UBE2O: variants seen among roughly 807,000 people sequenced by gnomAD.
UBE2O encodes (E3-independent) E2 ubiquitin-conjugating enzyme.
UBE2O carries 15 observed loss-of-function variants against 125.8 expected under a neutral mutation model. The ratio of observed to expected loss-of-function variants is 0.12; its 90% CI spans 0.08 to 0.18. The LOEUF is 0.18. UBE2O is among the 10% of genes least tolerant of loss of function. The probability of loss-of-function intolerance (pLI) is 1.00; values close to 1 mark genes in which losing one functional copy is unlikely to be tolerated. For missense variants in UBE2O, 1,280 were observed against 1,723.6 expected, an observed-to-expected ratio of 0.74 and a Z score of 4.56; for synonymous variants, 708 against 703.2, an observed-to-expected ratio of 1.01 and a Z score of -0.11.
At position 76,452,931 on chromosome 17, in the gene UBE2O, G is replaced by C. The variant is rs1456995191; in HGVS notation, c.211C>G (p.Arg71Gly). The C allele has an allele frequency of 6.7e-7, 1 of 1,499,440 alleles. No homozygotes were observed. Among genetic ancestry groups the C allele is most frequent in the African/African-American group, 1.5e-5 (1 of 68,538 alleles). 92.9% of individuals were successfully genotyped at this position (1,499,440 alleles called of 1,614,324 possible). The change falls in exon 1 of 18, where the codon CGT becomes GGT. Residue 71 changes from arginine (R) to glycine (G), a missense_variant. Coordinates refer to ENST00000319380, the MANE Select transcript of UBE2O (RefSeq NM_022066.4). The surrounding 1 kb of genome is among the most constrained non-coding windows in gnomAD (Gnocchi z 4.4). ...ACCAGCCCGAAGTGCACGGAGCCAC[G>C]GTAACGGCCCGACACCAGGTCGTGA... Reference protein sequence around the residue: ...FSHDLVSGRYRGSVHFGLVRL... With the variant: ...FSHDLVSGRYGGSVHFGLVRL...
chr17:76,420,140 T>C (rs2072685526), intron 1 of UBE2O, among the ~76,000 whole-genome samples: 1 of 152,170 alleles, frequency 6.6e-6, no homozygotes, highest in South Asian at 2.1e-4. Context: ...CCTTGGCTGC[T>C]AATCAACAGC....
In UBE2O at chr17:76,452,851, C is replaced by G. The variant is rs1364972620; in HGVS notation, c.291G>C (p.Gly97=). 6.6e-7 allele frequency: 1 copy of G among 1,504,160 alleles called. No individual in the cohort carries two copies. Among genetic ancestry groups the G allele is most frequent in the Non-Finnish European group, 8.9e-7 (1 of 1,126,608 alleles). 93.2% of individuals were successfully genotyped at this position (1,504,160 alleles called of 1,614,324 possible). A position where few individuals can be genotyped will look rare whatever the true frequency, so the allele number is the denominator to read the frequency against. The part of the protein sequence containing the change: ...SDSEGEEEGR[G]SSGCSEAGGA... ...CCCCGGCCTCGGAGCACCCCGAGCT[C>G]CCGCGGCCCTCCTCCTCGCCCTCCG... Residue 97 remains glycine (G), a synonymous_variant, in exon 1 of 18, where the codon GGG becomes GGC. Coordinates refer to ENST00000319380, the MANE Select transcript of UBE2O (RefSeq NM_022066.4). This position sits in a 1 kb window ranked among gnomAD's most constrained non-coding sequence, Gnocchi z 4.4.
rs955819453 is a variant in UBE2O, at chr17:76,410,043, G to C, written c.418-4471C>G. On this transcript the variant is annotated intron_variant, in intron 1 of 17. Coordinates refer to ENST00000319380, the MANE Select transcript of UBE2O (RefSeq NM_022066.4). The surrounding 1 kb of genome is among the most constrained non-coding windows in gnomAD (Gnocchi z 4.0). ...ATGGGGAATGAGCTTACCAAGCAGG[G>C]AGGAGTAGCTGTCAAGGTGCTGGGT... Among the ~76,000 whole-genome samples, 4 of 152,130 alleles carry C rather than the reference G, an allele frequency of 2.6e-5. No individual in the cohort carries two copies. Among genetic ancestry groups the C allele is most frequent in the African/African-American group, 9.7e-5 (4 of 41,432 alleles).
At position 76,396,961 on chromosome 17, in the gene UBE2O, T is replaced by A. The variant is rs1364620357; in HGVS notation, c.2116-140A>T. The A allele has an allele frequency of 1.4e-6, 1 of 690,370 alleles. No homozygotes were observed. The highest frequency in any genetic ancestry group is 3.1e-5 in the Admixed American group (1 of 32,578). 42.8% of individuals were successfully genotyped at this position (690,370 alleles called of 1,614,324 possible). ...GCCTTGGCAACCTCATTCCACCCTT[T>A]CCCTGACCTCTGCTCTGGCTTTTGC... On this transcript the variant is annotated intron_variant, in intron 13 of 17. Coordinates refer to ENST00000319380, the MANE Select transcript of UBE2O (RefSeq NM_022066.4). The surrounding 1 kb of genome is among the most constrained non-coding windows in gnomAD (Gnocchi z 6.7).
chr17:76,413,545 G>C (rs902420413), intron 1 of UBE2O, among the ~76,000 whole-genome samples: 4 of 152,112 alleles, frequency 2.6e-5, no homozygotes, highest in African/African-American at 9.7e-5. Context: ...GAAAAAACCC[G>C]TTCAGTTGCA....
intron 3 of UBE2O, among the ~76,000 whole-genome samples, chr17:76,403,965 C>G (rs2072374611): frequency 6.6e-6 from 1 of 151,918 alleles, no homozygotes; most frequent in African/African-American, 2.4e-5. Flanking sequence ...TAATTATAAC[C>G]AATGAATAAA....
intron 1 of UBE2O, among the ~76,000 whole-genome samples, chr17:76,440,611 A>G (rs2073063891): frequency 1.3e-5 from 2 of 152,236 alleles, no homozygotes; most frequent in Admixed American, 1.3e-4. Context: ...TATAGCCATG[A>G]GCCACCATGC....
rs2072505215 is a variant in UBE2O, at chr17:76,410,976, T to C, written c.418-5404A>G. Among the ~76,000 whole-genome samples the C allele has an allele frequency of 1.4e-5, 2 of 146,698 alleles. No individual in the cohort carries two copies. Among genetic ancestry groups the C allele is most frequent in the Admixed American group, 7.2e-5 (1 of 13,958 alleles). ...AGGAATAGAAAACACAAACTGAGGC[T>C]GATCAACATGTTGAAAATACAAAGA... On this transcript the variant is annotated intron_variant, in intron 1 of 17. Transcript: ENST00000319380. The surrounding 1 kb of genome is among the most constrained non-coding windows in gnomAD (Gnocchi z 4.0).
At chr17:76,418,404 G>A (rs1483277049) in intron 1 of UBE2O, among the ~76,000 whole-genome samples, 1 of 152,154 alleles carries the variant, frequency 6.6e-6, no homozygotes, top group Non-Finnish European at 1.5e-5. Flanking sequence ...GCAACTGCGA[G>A]GCGCCATTTG....
At chr17:76,440,659 T>C (rs2073064559) in intron 1 of UBE2O, among the ~76,000 whole-genome samples, 1 of 152,192 alleles carries the variant, frequency 6.6e-6, no homozygotes, top group Non-Finnish European at 1.5e-5. Context: ...TGGCTCACAT[T>C]GTATCTCTAT....
intron 1 of UBE2O, among the ~76,000 whole-genome samples, chr17:76,445,923 T>C (rs1050195609): frequency 6.6e-5 from 10 of 152,168 alleles, no homozygotes; most frequent in Admixed American, 3.9e-4. Context: ...ATGGGCAGCA[T>C]TTAGACCATG....
chr17:76,451,056 T>C (rs2073232607), intron 1 of UBE2O, among the ~76,000 whole-genome samples: 1 of 152,192 alleles, frequency 6.6e-6, no homozygotes, highest in Admixed American at 6.5e-5. Context: ...CAACAACTGA[T>C]AAACATAGCG....
Position 76,390,351 on chromosome 17 carries a change from G to A in UBE2O, c.*592C>T, listed in dbSNP as rs2072083980. ...GAGAGCAAGTTCAACAGGCCTGAGG[G>A]CTATAACGTGGTCGACAGGCCATGT... is the stretch of plus-strand genomic sequence containing the variant. On this transcript the variant is annotated 3_prime_UTR_variant, in exon 18 of 18. Transcript: ENST00000319380. 1 of 152,918 alleles carries A rather than the reference G, an allele frequency of 6.5e-6. No homozygotes were observed. The highest frequency in any genetic ancestry group is 1.5e-5 in the Non-Finnish European group (1 of 68,426). 9.5% of individuals were successfully genotyped at this position (152,918 alleles called of 1,614,324 possible). A position where few individuals can be genotyped will look rare whatever the true frequency, so the allele number is the denominator to read the frequency against.
At chr17:76,425,748 C>T (rs146655478) in intron 1 of UBE2O, among the ~76,000 whole-genome samples, 370 of 152,338 alleles carry the variant, frequency 2.4e-3, no homozygotes, top group Non-Finnish European at 3.9e-3. Context: ...TGTCAAATAC[C>T]TATCCATAAC....
chr17:76,409,899 G>A (rs2072488310), intron 1 of UBE2O, among the ~76,000 whole-genome samples: 1 of 152,200 alleles, frequency 6.6e-6, no homozygotes, highest in South Asian at 2.1e-4. Context: ...GGTACCAAGT[G>A]CCATGAAGAA....
intron 1 of UBE2O, among the ~76,000 whole-genome samples, chr17:76,427,236 T>G (rs184063511): frequency 2.0e-4 from 30 of 152,366 alleles, no homozygotes; most frequent in African/African-American, 7.2e-4. Context: ...GCAGATCTGT[T>G]TTCCAGTTCC....
intron 1 of UBE2O, among the ~76,000 whole-genome samples, chr17:76,425,695 G>T (rs373951372): frequency 2.0e-5 from 3 of 152,134 alleles, no homozygotes; most frequent in East Asian, 1.9e-4. Context: ...TGAACCAAGT[G>T]GTGTTCCGTG....
rs137979989 is a variant in UBE2O, at chr17:76,448,275, A to G, written c.417+4450T>C. Among the ~76,000 whole-genome samples the G allele has an allele frequency of 4.0e-3, 610 of 152,294 alleles. 1 individual carries two copies. The highest frequency in any genetic ancestry group is 0.014 in the African/African-American group (573 of 41,578). On this transcript the variant is annotated intron_variant, in intron 1 of 17. Transcript: ENST00000319380. Reference sequence around the variant, plus strand: ...ACAAGTGCTGTGATCCTATCTGAATAAAACGCAATTTAGATTCACTTAGTC... The same window carrying G: ...ACAAGTGCTGTGATCCTATCTGAATGAAACGCAATTTAGATTCACTTAGTC...
At position 76,391,014 on chromosome 17, in the gene UBE2O, G is replaced by A. The variant is rs778601048; in HGVS notation, c.3808C>T (p.Arg1270Trp). Residue 1270 changes from arginine (R) to tryptophan (W), a missense_variant, in exon 18 of 18, where the codon CGG (arginine) becomes TGG (tryptophan). This residue lies in a region of UBE2O where 233 missense variants were observed against 279.0 expected (regional missense o/e 0.84). Transcript: ENST00000319380. This position sits in a 1 kb window ranked among gnomAD's most constrained non-coding sequence, Gnocchi z 8.4. ...PLSKGFIKSI[R>W]GVLTQFRAAL... ...GCCCGGAACTGCGTCAGGACACCCC[G>A]GATGCTCTTGATGAAACCCTTGGAA... The A allele has an allele frequency of 3.7e-6, 6 of 1,613,876 alleles. No individual in the cohort carries two copies. Among genetic ancestry groups the A allele is most frequent in the South Asian group, 3.3e-5 (3 of 91,082 alleles).
Sources: gnomAD v4.1 joint callset for allele counts (sites outside exome capture counted in the v4.1 genomes callset) on GRCh38, gnomAD v4.1.1 for gene constraint, gnomAD v4.1.1 regional missense constraint, Gnocchi (gnomAD v3.1) non-coding constraint, MANE v1.5 for transcripts, NCBI Gene and HGNC (gene_info 2026-07-23, HGNC 2026-07-21) for gene names.